Variants in RTF1 observed in about 807,000 individuals in gnomAD.
RTF1 encodes RTF1 homolog, Paf1/RNA polymerase II complex component, also known as RNA polymerase-associated protein RTF1 homolog.
In RTF1, 10 loss-of-function variants were observed where a neutral mutation model predicts 95.7. That is an observed-to-expected ratio of 0.10 (90% confidence interval 0.06 to 0.18). The LOEUF is 0.18. RTF1 is among the 10% of genes least tolerant of loss of function. The pLI is 1.00. For missense variants in RTF1, 458 were observed against 875.6 expected (o/e 0.52, Z 6.02); for synonymous variants, 305 against 311.8 (o/e 0.98, Z 0.23).
chr15:41,445,394 C>T (rs955795099), intron 2 of RTF1, among the ~76,000 whole-genome samples: 5 of 152,048 alleles, frequency 3.3e-5, no homozygotes, highest in Non-Finnish European at 5.9e-5. Flanking sequence ...CAAGAAATTC[C>T]GACACTCCCA....
chr15:41,478,499 A>G (rs1431671642), intron 14 of RTF1, 49 bp from the exon 15 acceptor site: 1 of 1,364,086 alleles, frequency 7.3e-7, no homozygotes, highest in South Asian at 1.2e-5. Context: ...ATGGTGAATG[A>G]GAGGAGGGGC....
chr15:41,472,331 C>T (rs866134190), intron 8 of RTF1, among the ~76,000 whole-genome samples: 3 of 149,238 alleles, frequency 2.0e-5, no homozygotes, highest in Non-Finnish European at 3.0e-5. Context: ...CTCAGCCTCC[C>T]GAGTAGCTAG....
At chr15:41,444,875 T>C (rs1163189750) in intron 2 of RTF1, among the ~76,000 whole-genome samples, 2 of 152,144 alleles carry the variant, frequency 1.3e-5, no homozygotes, top group Non-Finnish European at 2.9e-5. Context: ...CTTTAGTACT[T>C]GAACTTAGTG....
intron 1 of RTF1, among the ~76,000 whole-genome samples, chr15:41,426,873 A>G (rs113543667): frequency 0.034 from 4,039 of 120,484 alleles, 78 homozygotes; most frequent in Middle Eastern, 0.12. Flanking sequence ...GCAGAGTCTC[A>G]CTCTGTTGCC....
At chr15:41,422,865 C>T (rs1026017822) in intron 1 of RTF1, among the ~76,000 whole-genome samples, 4 of 152,050 alleles carry the variant, frequency 2.6e-5, no homozygotes, top group African/African-American at 9.7e-5. Context: ...GCCTCCGCCT[C>T]CCGGGTTCAA....
chr15:41,479,473 C>G (rs1322191217), intron 16 of RTF1, among the ~76,000 whole-genome samples: 1 of 152,172 alleles, frequency 6.6e-6, no homozygotes, highest in Non-Finnish European at 1.5e-5. Context: ...AATGAGGGTA[C>G]TACTGTATAC....
At chr15:41,463,414 T>A (rs903637031) in intron 4 of RTF1, among the ~76,000 whole-genome samples, 39 of 152,210 alleles carry the variant, frequency 2.6e-4, no homozygotes, top group African/African-American at 9.2e-4. Flanking sequence ...ATTTTAGATT[T>A]CCCATCGGCA....
At chr15:41,478,155 C>G (rs1423923335) in intron 14 of RTF1, among the ~76,000 whole-genome samples, 10 of 151,940 alleles carry the variant, frequency 6.6e-5, no homozygotes, top group African/African-American at 1.2e-4. Context: ...AATCCCAGCA[C>G]TTTGGGAGGC....
intron 4 of RTF1, among the ~76,000 whole-genome samples, chr15:41,461,969 G>C (rs2050851651): frequency 6.7e-6 from 1 of 148,516 alleles, no homozygotes; most frequent in East Asian, 2.0e-4. Flanking sequence ...TGCCCAGGCT[G>C]GTCTTGAACT....
intron 4 of RTF1, among the ~76,000 whole-genome samples, chr15:41,461,913 T>C (rs56145951): frequency 0.015 from 2,277 of 151,298 alleles, 68 homozygotes; most frequent in African/African-American, 0.053. Context: ...CCCTGTAATT[T>C]TTTTTTCTTT....
chr15:41,422,795 A>G (rs2050608889), intron 1 of RTF1, among the ~76,000 whole-genome samples: 1 of 151,904 alleles, frequency 6.6e-6, no homozygotes, highest in African/African-American at 2.4e-5. Context: ...CTTTTTTTTG[A>G]GACGGAGTCT....
chr15:41,437,594 G>A (rs907172932), intron 1 of RTF1, among the ~76,000 whole-genome samples: 2 of 152,170 alleles, frequency 1.3e-5, no homozygotes, highest in African/African-American at 4.8e-5. Context: ...GTAACCTTTT[G>A]TTGCGTTTTT....
chr15:41,477,496 A>G lies in RTF1; in HGVS notation c.1721A>G (p.Glu574Gly). 6.2e-7 allele frequency: 1 copy of G among 1,614,220 alleles called. No individual in the cohort carries two copies. Among genetic ancestry groups the G allele is most frequent in the Non-Finnish European group, 8.5e-7 (1 of 1,180,030 alleles). Reference sequence around the variant, plus strand: ...CGGAACCGGGAGTGGAACATTGTAGAGTCTGAGAAGGCCCTTGTGGTAAGA... The same window carrying G: ...CGGAACCGGGAGTGGAACATTGTAGGGTCTGAGAAGGCCCTTGTGGTAAGA... ...NQRNREWNIV[E>G]SEKALVAESH... is the part of the protein sequence containing the mutation. Residue 574 changes from glutamate (E) to glycine (G), a missense_variant, in exon 14 of 18, where the codon GAG becomes GGG. By Grantham distance (98) the Glu-to-Gly change is moderately conservative. Coordinates refer to ENST00000389629, the MANE Select transcript of RTF1 (RefSeq NM_015138.5).
At chr15:41,425,351 G>T (rs2050623682) in intron 1 of RTF1, among the ~76,000 whole-genome samples, 1 of 151,932 alleles carries the variant, frequency 6.6e-6, no homozygotes, top group African/African-American at 2.4e-5. Flanking sequence ...TGATCTGCCC[G>T]CCTCGGCCTC....
At position 41,466,238 on chromosome 15, in the gene RTF1, G is replaced by A; in HGVS notation, c.875G>A (p.Arg292Gln). The change falls in exon 6 of 18, where the codon CGA becomes CAA. Residue 292 changes from arginine to glutamine, a missense_variant. Coordinates refer to ENST00000389629, the MANE Select transcript of RTF1 (RefSeq NM_015138.5). The part of the protein sequence containing the change: ...MEELKAEREK[R>Q]KNRTAELLAK... ...GAGCTAAAAGCAGAGCGAGAAAAAC[G>A]AAAGAACAGAACAGGTAAGCGAGGG... 2 of 1,580,030 alleles carry A rather than the reference G, an allele frequency of 1.3e-6. No homozygotes were observed. The highest frequency in any genetic ancestry group is 3.3e-4 in the Middle Eastern group (2 of 6,014).
intron 1 of RTF1, among the ~76,000 whole-genome samples, chr15:41,428,017 C>T (rs2050645594): frequency 6.6e-6 from 1 of 151,714 alleles, no homozygotes; most frequent in Non-Finnish European, 1.5e-5. Context: ...GATCTCCTGA[C>T]CTCAGGTGAT....
At chr15:41,420,353 A>C (rs1322828282) in intron 1 of RTF1, among the ~76,000 whole-genome samples, 1 of 152,160 alleles carries the variant, frequency 6.6e-6, no homozygotes, top group African/African-American at 2.4e-5. Flanking sequence ...GACTCTCAGA[A>C]TAATCAAAGA....
intron 2 of RTF1, among the ~76,000 whole-genome samples, chr15:41,451,329 A>G (rs1361132911): frequency 2.0e-5 from 3 of 152,224 alleles, no homozygotes; most frequent in African/African-American, 4.8e-5. Flanking sequence ...TTCACCTAAA[A>G]TCATTTTAAG....
chr15:41,426,015 G>C (rs1236927887), intron 1 of RTF1, among the ~76,000 whole-genome samples: 2 of 152,082 alleles, frequency 1.3e-5, no homozygotes, highest in Non-Finnish European at 2.9e-5. Context: ...AGGCACAATG[G>C]CTCATGCCTG....
Sources: gnomAD v4.1 joint callset for allele counts (sites outside exome capture counted in the v4.1 genomes callset) on GRCh38, gnomAD v4.1.1 for gene constraint, MANE v1.5 for transcripts, NCBI Gene and HGNC (gene_info 2026-07-23, HGNC 2026-07-21) for gene names.